ELSPBP1: variants seen among roughly 807,000 people sequenced by gnomAD.
ELSPBP1 encodes the protein epididymal sperm binding protein 1.
In ELSPBP1, 38 loss-of-function variants were observed where a neutral mutation model predicts 33.3. The observed-to-expected ratio is 1.14, with a 90% CI of 0.88 to 1.50. The LOEUF (loss-of-function observed/expected upper bound fraction) is 1.50. Among genes scored for constraint, ELSPBP1 ranks in the 40% most tolerant of loss-of-function variants. ELSPBP1 has a pLI of 0.00. For synonymous variants in ELSPBP1, 85 were observed against 94.1 expected, an observed-to-expected ratio of 0.90 and a Z score of 0.56; for missense variants, 267 against 263.5, an observed-to-expected ratio of 1.01 and a Z score of -0.09.
chr19:48,002,162 T>A (rs1358813349), intron 1 of ELSPBP1, among the ~76,000 whole-genome samples: 1 of 152,154 alleles, frequency 6.6e-6, no homozygotes, highest in Non-Finnish European at 1.5e-5. Context: ...ACTGTGCGGA[T>A]GAGGACTGAG....
chr19:48,018,909 T>C (rs1293586057), intron 4 of ELSPBP1, among the ~76,000 whole-genome samples: 2 of 152,214 alleles, frequency 1.3e-5, no homozygotes, highest in African/African-American at 2.4e-5. Context: ...ATCCCAGCAC[T>C]GTGGGAGGCC....
In ELSPBP1 at chr19:48,019,626, A is replaced by G. The variant is rs956137442; in HGVS notation, c.356-93A>G. 7.9e-6 allele frequency: 10 copies of G among 1,270,428 alleles called. No homozygotes were observed. In the Admixed American group the frequency reaches 2.1e-4, roughly 26 times the overall value. The allele number at this position is 1,270,428 out of a possible 1,614,324, so 78.7% of individuals were successfully genotyped here. ...AGAATCCAATGTGACGTTGCCTTTA[A>G]TGGGATAAAGCGTGGCACAGTTTGT... On this transcript the variant is annotated intron_variant, in intron 4 of 6. Transcript: ENST00000339841.
At chr19:48,002,533 G>A (rs971166120) in intron 1 of ELSPBP1, among the ~76,000 whole-genome samples, 23 of 152,192 alleles carry the variant, frequency 1.5e-4, no homozygotes, top group Non-Finnish European at 5.9e-5. Context: ...GCTCATGCCT[G>A]TAATCCCAGC....
chr19:48,007,569 G>T (rs1273233336), intron 1 of ELSPBP1, among the ~76,000 whole-genome samples: 1 of 152,190 alleles, frequency 6.6e-6, no homozygotes, highest in East Asian at 1.9e-4. Flanking sequence ...TCTTGTTGCT[G>T]CTGAGAATGG....
intron 1 of ELSPBP1, among the ~76,000 whole-genome samples, chr19:48,006,643 A>AAG (rs1555734612): frequency 0.21 from 28,682 of 139,422 alleles, 3,768 homozygotes; most frequent in Middle Eastern, 0.3. Flanking sequence ...AAAAAAAAAA[A>AAG]AAAAGAAAAG....
At chr19:48,008,614 A>T in intron 1 of ELSPBP1, 37 bp from the exon 2 acceptor site, 2 of 1,439,728 alleles carry the variant, frequency 1.4e-6, no homozygotes, top group Non-Finnish European at 2.0e-6. Flanking sequence ...GAGGAAGGGG[A>T]CGTGTGGGAT....
intron 1 of ELSPBP1, among the ~76,000 whole-genome samples, chr19:48,005,735 A>G (rs1159562732): frequency 1.3e-5 from 2 of 152,118 alleles, no homozygotes; most frequent in Non-Finnish European, 2.9e-5. Flanking sequence ...AGCATCGTAC[A>G]TTGGTTAAGA....
intron 5 of ELSPBP1, 120 bp from the exon 6 acceptor site, chr19:48,022,050 A>G: frequency 1.2e-6 from 1 of 861,322 alleles, no homozygotes; most frequent in South Asian, 2.0e-5. Context: ...GCTGGGATTA[A>G]AGGCGCGAAC....
intron 6 of ELSPBP1, among the ~76,000 whole-genome samples, chr19:48,024,036 A>ATTTTTTT (rs111833936): frequency 2.3e-5 from 3 of 131,912 alleles, no homozygotes; most frequent in African/African-American, 2.8e-5. Context: ...ATGCCCAGCA[A>ATTTTTTT]TTTTTTTTTT....
chr19:48,020,778 A>C (rs925791751), intron 5 of ELSPBP1, among the ~76,000 whole-genome samples: 10 of 151,568 alleles, frequency 6.6e-5, no homozygotes, highest in Admixed American at 2.0e-4. Flanking sequence ...CATGTCCTAC[A>C]CTCTTGATAG....
intron 1 of ELSPBP1, among the ~76,000 whole-genome samples, chr19:47,998,071 C>T (rs545749870): frequency 6.6e-6 from 1 of 152,240 alleles, no homozygotes; most frequent in East Asian, 1.9e-4. Context: ...ACCATCTTTT[C>T]GTTCCTCTGC....
intron 1 of ELSPBP1, among the ~76,000 whole-genome samples, chr19:48,006,645 A>G (rs921753674): frequency 6.7e-6 from 1 of 148,810 alleles, no homozygotes. Flanking sequence ...AAAAAAAAAA[A>G]AAGAAAAGAA....
chr19:48,001,986 C>A (rs764952713), intron 1 of ELSPBP1, among the ~76,000 whole-genome samples: 1 of 152,090 alleles, frequency 6.6e-6, no homozygotes, highest in Non-Finnish European at 1.5e-5. Context: ...TATGAGTTAC[C>A]ATGACTGGCC....
At chr19:48,023,312 G>A (rs1180115054) in intron 6 of ELSPBP1, among the ~76,000 whole-genome samples, 1 of 130,376 alleles carries the variant, frequency 7.7e-6, no homozygotes, top group Non-Finnish European at 1.6e-5. Flanking sequence ...AGAGAAGAAA[G>A]GAAGGAGAGA....
chr19:48,017,461 C>A (rs1238296913), intron 4 of ELSPBP1, among the ~76,000 whole-genome samples: 2 of 152,130 alleles, frequency 1.3e-5, no homozygotes, highest in Non-Finnish European at 2.9e-5. Context: ...ATTTCCATTC[C>A]TAACTCTAAA....
In ELSPBP1 at chr19:48,022,099, T is replaced by C. The variant is rs2054336255; in HGVS notation, c.515-71T>C. On this transcript the variant is annotated intron_variant, in intron 5 of 6. Transcript: ENST00000339841. ...CCCAATTTGAAATCTAGGGTGGGCCTGAAGCCCACGCCTCTACGACAGTGT... is the reference window on the plus strand; with the variant it reads ...CCCAATTTGAAATCTAGGGTGGGCCCGAAGCCCACGCCTCTACGACAGTGT... 104 of 1,444,346 alleles carry C rather than the reference T, an allele frequency of 7.2e-5. 2 individuals are homozygous for C. The South Asian group carries it at 1.4e-3, about 20-fold the overall frequency. 89.5% of individuals were successfully genotyped at this position (1,444,346 alleles called of 1,614,324 possible).
At position 48,019,823 on chromosome 19, in the gene ELSPBP1, C is replaced by G; in HGVS notation, c.460C>G (p.Pro154Ala). 6.2e-7 allele frequency: 1 copy of G among 1,613,770 alleles called. No homozygotes were observed. The highest frequency in any genetic ancestry group is 8.5e-7 in the Non-Finnish European group (1 of 1,179,918). Residue 154 changes from proline to alanine, a missense_variant, in exon 5 of 7, where the codon CCA becomes GCA. Coordinates refer to ENST00000339841, the MANE Select transcript of ELSPBP1 (RefSeq NM_022142.5). The stretch of plus-strand genomic sequence containing the variant: ...GGATGAAAGCAACAAGCTCTGGTGC[C>G]CAACCACAGAGAACATGGATAAGGA... ...MEDESNKLWC[P>A]TTENMDKDGK...
chr19:48,024,121 T>C lies in ELSPBP1; in HGVS notation c.*8-831T>C, dbSNP rs147324784. Among the ~76,000 whole-genome samples the C allele has an allele frequency of 2.3e-3, 351 of 151,064 alleles. 3 individuals carry two copies. Among genetic ancestry groups the C allele is most frequent in the African/African-American group, 8.2e-3 (339 of 41,154 alleles). ...CTGGTCTCAAACTCCTGACCTCAGGTGATCCATCCAACTCGGCCTCCCAAA... is the reference window on the plus strand; with the variant it reads ...CTGGTCTCAAACTCCTGACCTCAGGCGATCCATCCAACTCGGCCTCCCAAA... On this transcript the variant is annotated intron_variant, in intron 6 of 6. Coordinates refer to ENST00000339841, the MANE Select transcript of ELSPBP1 (RefSeq NM_022142.5).
At chr19:48,013,898 T>A (rs1967102547) in intron 2 of ELSPBP1, among the ~76,000 whole-genome samples, 1 of 152,086 alleles carries the variant, frequency 6.6e-6, no homozygotes, top group Admixed American at 6.5e-5. Context: ...TCTTGCTGTA[T>A]CCTCACATCG....
Sources: allele counts gnomAD v4.1 joint callset (sites outside exome capture counted in the v4.1 genomes callset), GRCh38; gene constraint gnomAD v4.1.1; transcripts MANE v1.5; gene names NCBI Gene and HGNC (gene_info 2026-07-23, HGNC 2026-07-21).